Variants in DACT1 observed in about 807,000 individuals in gnomAD.
DACT1 encodes dapper homolog 1.
In DACT1, 19 loss-of-function variants were observed where a neutral mutation model predicts 35.3. The ratio of observed to expected loss-of-function variants is 0.54; its 90% CI spans 0.38 to 0.79. The LOEUF (loss-of-function observed/expected upper bound fraction) is 0.79, where lower values mean the gene tolerates loss of function less well. DACT1 is among the 30% of genes least tolerant of loss of function. DACT1 has a pLI of 0.00. For missense variants in DACT1, 1,143 were observed against 1,057.5 expected (o/e 1.08, Z -1.12); for synonymous variants, 545 against 466.7 (o/e 1.17, Z -2.16).
Position 58,643,909 on chromosome 14 carries a change from G to A in DACT1, c.635-1460G>A, listed in dbSNP as rs572522737. The stretch of plus-strand genomic sequence containing the variant: ...GGGGGGGTCATGTGGGTGGGGACAT[G>A]GCACTTTTGTTTTATTATGTTTTCT... On this transcript the variant is annotated intron_variant, in intron 3 of 3. Transcript: ENST00000395153. Among the ~76,000 whole-genome samples the A allele has an allele frequency of 2.2e-4, 33 of 152,256 alleles. 1 individual carries two copies. Among genetic ancestry groups the A allele is most frequent in the Admixed American group, 1.9e-3 (29 of 15,282 alleles).
intron 3 of DACT1, among the ~76,000 whole-genome samples, chr14:58,644,948 C>T (rs1230360346): frequency 6.6e-6 from 1 of 152,154 alleles, no homozygotes; most frequent in Non-Finnish European, 1.5e-5. Context: ...AGATTATAAT[C>T]ATATTCTAGT....
chr14:58,640,370 TAA>T (rs1595596587), intron 1 of DACT1, among the ~76,000 whole-genome samples: 1 of 152,218 alleles, frequency 6.6e-6, no homozygotes, highest in South Asian at 2.1e-4. Context: ...CATTTCAAAT[TAA>T]AGAGTCTACT....
At chr14:58,640,963 G>C in intron 2 of DACT1, 95 bp downstream of exon 2, 1 of 1,403,316 alleles carries the variant, frequency 7.1e-7, no homozygotes, top group Non-Finnish European at 9.9e-7. Context: ...TGGCAATGGA[G>C]TTTGTTTCCA....
chr14:58,634,179 C>G (rs953155504), upstream of DACT1: 5 of 152,306 alleles, frequency 3.3e-5, no homozygotes, highest in African/African-American at 1.2e-4. Context: ...TAAAACACAG[C>G]TAAAAGGTAA....
Position 58,638,074 on chromosome 14 carries a change from C to T in DACT1, c.-129C>T. The T allele has an allele frequency of 9.7e-7, 1 of 1,028,464 alleles. No individual in the cohort carries two copies. The highest frequency in any genetic ancestry group is 1.2e-6 in the Non-Finnish European group (1 of 814,598). 63.7% of individuals were successfully genotyped at this position (1,028,464 alleles called of 1,614,324 possible). A position where few individuals can be genotyped will look rare whatever the true frequency, so the allele number is the denominator to read the frequency against. On this transcript the variant is annotated 5_prime_UTR_variant, in exon 1 of 4. Coordinates refer to ENST00000395153, the MANE Select transcript of DACT1 (RefSeq NM_001079520.2). Reference sequence around the variant, plus strand: ...CGCAGGACTCGAGGGCTTCTAGCCACCGTCCCCGCCAGCGCCGCGCCCCGC... The same window carrying T: ...CGCAGGACTCGAGGGCTTCTAGCCATCGTCCCCGCCAGCGCCGCGCCCCGC...
chr14:58,641,918 G>GA lies in DACT1; in HGVS notation c.634+173dup, dbSNP rs149436015. Reference sequence around the variant, plus strand: ...TCAGTTTCATCTAGGTGAGTATCTAGAACTATTCCAGTACCCTTTGGGTGC... The same window carrying GA: ...TCAGTTTCATCTAGGTGAGTATCTAGAAACTATTCCAGTACCCTTTGGGTGC... On this transcript the variant is annotated intron_variant, in intron 3 of 3. Transcript: ENST00000395153. Among the ~76,000 whole-genome samples the GA allele has an allele frequency of 9.5e-4, 144 of 152,314 alleles. 1 individual carries two copies. The highest frequency in any genetic ancestry group is 3.2e-3 in the African/African-American group (131 of 41,558).
chr14:58,635,468 C>A (rs2047567122), upstream of DACT1, among the ~76,000 whole-genome samples: 1 of 152,190 alleles, frequency 6.6e-6, no homozygotes, highest in African/African-American at 2.4e-5. Flanking sequence ...TTTTAATTGG[C>A]ATGTGAATGA....
In DACT1 at chr14:58,645,907, C is replaced by T. The variant is rs1417374156; in HGVS notation, c.1173C>T (p.Ala391=). The T allele has an allele frequency of 2.5e-6, 4 of 1,614,054 alleles. No individual in the cohort carries two copies. The highest frequency in any genetic ancestry group is 1.6e-4 in the Middle Eastern group (1 of 6,084). ...CGAAAGAATCAAAGGCCGAACAAGCCGAAAGCAAGAGGGTGCCCCTGCCAG... is the reference window on the plus strand; with the variant it reads ...CGAAAGAATCAAAGGCCGAACAAGCTGAAAGCAAGAGGGTGCCCCTGCCAG... ...QWSKESKAEQ[A]ESKRVPLPEG... is the part of the protein sequence containing the mutation. Residue 391 remains alanine, a synonymous_variant, in exon 4 of 4, where the codon GCC becomes GCT. Transcript: ENST00000395153.
At position 58,646,042 on chromosome 14, in the gene DACT1, G is replaced by A. The variant is rs924506374; in HGVS notation, c.1308G>A (p.Glu436=). ...HARCSAIGTG[E]SPKESAQLSG... The stretch of plus-strand genomic sequence containing the variant: ...GGTGTTCCGCCATTGGGACAGGGGA[G>A]TCCCCTAAGGAAAGCGCTCAGCTCT... Residue 436 remains glutamate (E), a synonymous_variant, in exon 4 of 4, where the codon GAG becomes GAA. Coordinates refer to ENST00000395153, the MANE Select transcript of DACT1 (RefSeq NM_001079520.2). The A allele has an allele frequency of 6.2e-7, 1 of 1,613,904 alleles. No individual in the cohort carries two copies. The highest frequency in any genetic ancestry group is 8.5e-7 in the Non-Finnish European group (1 of 1,179,996).
In DACT1 at chr14:58,647,138, A is replaced by T. The variant is rs2047700002; in HGVS notation, c.*4A>T. 2.5e-6 allele frequency: 4 copies of T among 1,609,606 alleles called. No individual in the cohort carries two copies. ...GAAACTGATGACGACGGTTTGAGTG[A>T]CATCATTGGTGTAGAAAGTTTGTGT... On this transcript the variant is annotated 3_prime_UTR_variant, in exon 4 of 4. Coordinates refer to ENST00000395153, the MANE Select transcript of DACT1 (RefSeq NM_001079520.2).
chr14:58,637,119 C>A (rs1306353266), upstream of DACT1, among the ~76,000 whole-genome samples: 1 of 152,224 alleles, frequency 6.6e-6, no homozygotes, highest in Non-Finnish European at 1.5e-5. Context: ...GTTGCCCGCA[C>A]AGCTATTTAG....
rs986657021 is a variant in DACT1, at chr14:58,647,536, C to G, written c.*402C>G. 4.6e-5 allele frequency: 11 copies of G among 241,220 alleles called. No homozygotes were observed. The highest frequency in any genetic ancestry group is 9.3e-5 in the Non-Finnish European group (11 of 117,904). 14.9% of individuals were successfully genotyped at this position (241,220 alleles called of 1,614,324 possible). A position where few individuals can be genotyped will look rare whatever the true frequency, so the allele number is the denominator to read the frequency against. On this transcript the variant is annotated 3_prime_UTR_variant, in exon 4 of 4. Coordinates refer to ENST00000395153, the MANE Select transcript of DACT1 (RefSeq NM_001079520.2). ...GTTCCTTGAGTCTTCAGGGCAGTGT[C>G]TCCATGAGGGTTTTCCTGTTGAGGG...
rs1305317869 is a variant in DACT1, at chr14:58,645,970, T to C, written c.1236T>C (p.Ser412=). The C allele has an allele frequency of 6.2e-7, 1 of 1,613,626 alleles. No homozygotes were observed. Among genetic ancestry groups the C allele is most frequent in the Non-Finnish European group, 8.5e-7 (1 of 1,179,976 alleles). ...CPSGAASDLQ[S]KHLPKTAKPA... is the part of the protein sequence containing the mutation. ...CAGGCGCTGCCTCCGACCTTCAGAG[T>C]AAGCACCTGCCAAAAACGGCCAAGC... Residue 412 remains serine, a synonymous_variant, in exon 4 of 4, where the codon AGT becomes AGC. Transcript: ENST00000395153.
rs1030111323 is a variant in DACT1 at position 58,642,935 on chromosome 14, G to T, written c.634+1188G>T. Among the ~76,000 whole-genome samples the T allele has an allele frequency of 5.9e-5, 9 of 152,190 alleles. No individual in the cohort carries two copies. The South Asian group carries it at 1.9e-3, about 32-fold the overall frequency. ...TACTAGAAGAGTTTCTGCATTTCCA[G>T]TATGTGTCACACACTACTGGATGCT... On this transcript the variant is annotated intron_variant, in intron 3 of 3. Transcript: ENST00000395153.
Position 58,640,730 on chromosome 14 carries a change from A to G in DACT1, c.346-6A>G. 6.2e-7 allele frequency: 1 copy of G among 1,614,000 alleles called. No homozygotes were observed. On this transcript the variant is annotated splice_polypyrimidine_tract_variant and splice_region_variant and intron_variant, in intron 1 of 3. Transcript: ENST00000395153. ...GTTCATGTTTCCTTTGTTTCTTCCT[A>G]ATCAGAACTGTTTGAGGCGAAGAGA...
rs771051004 is a variant in DACT1, at chr14:58,646,715, C to T, written c.1981C>T (p.Arg661Cys). 2.5e-6 allele frequency: 4 copies of T among 1,613,332 alleles called. No individual in the cohort carries two copies. The highest frequency in any genetic ancestry group is 2.5e-6 in the Non-Finnish European group (3 of 1,179,966). The change falls in exon 4 of 4, where the codon CGC becomes TGC. Residue 661 changes from arginine (R) to cysteine (C), a missense_variant. Physicochemically the swap from Arg to Cys is radical, Grantham distance 180 (BLOSUM62 -3). Coordinates refer to ENST00000395153, the MANE Select transcript of DACT1 (RefSeq NM_001079520.2). ...EEALRRARRG[R>C]RENVGLYPAP... ...GGCCCTGAGGAGGGCCCGGCGCGGT[C>T]GCCGGGAGAATGTGGGGCTGTACCC... is the stretch of plus-strand genomic sequence containing the variant.
intron 1 of DACT1, 176 bp downstream of exon 1, chr14:58,638,723 G>A (rs2047599505): frequency 8.4e-7 from 1 of 1,184,968 alleles, no homozygotes; most frequent in African/African-American, 1.6e-5. Flanking sequence ...CGGCGTGTGG[G>A]CTGCCGACGC....
chr14:58,634,939 C>A (rs117032380), upstream of DACT1, among the ~76,000 whole-genome samples: 94 of 152,352 alleles, frequency 6.2e-4, 3 homozygotes, highest in East Asian at 0.018. Context: ...AGCCAAGACT[C>A]TTTTTCATGC....
intron 1 of DACT1, 170 bp downstream of exon 1, chr14:58,638,717 G>C: frequency 8.4e-7 from 1 of 1,183,766 alleles, no homozygotes; most frequent in East Asian, 3.2e-5. Flanking sequence ...TGCCCGCGGC[G>C]TGTGGGCTGC....
Sources: allele counts gnomAD v4.1 joint callset (sites outside exome capture counted in the v4.1 genomes callset), GRCh38; gene constraint gnomAD v4.1.1; transcripts MANE v1.5; gene names NCBI Gene and HGNC (gene_info 2026-07-23, HGNC 2026-07-21).